PHLDB2: variants seen among roughly 807,000 people sequenced by gnomAD.
PHLDB2 encodes pleckstrin homology like domain family B member 2.
Under a neutral mutation model 123.6 loss-of-function variants are expected in PHLDB2, and 71 were observed. That is an observed-to-expected ratio of 0.57 (90% CI 0.47 to 0.70). The LOEUF (loss-of-function observed/expected upper bound fraction) is 0.70, where lower values mean the gene tolerates loss of function less well. PHLDB2 is among the 30% of genes least tolerant of loss of function. The probability of loss-of-function intolerance (pLI) is 0.00; values close to 1 mark genes in which losing one functional copy is unlikely to be tolerated. For missense variants in PHLDB2, 1,446 were observed against 1,519.5 expected, an observed-to-expected ratio of 0.95 and a Z score of 0.80; for synonymous variants, 547 against 541.6, an observed-to-expected ratio of 1.01 and a Z score of -0.14.
upstream of PHLDB2, among the ~76,000 whole-genome samples, chr3:111,858,384 T>A (rs1271496477): frequency 1.3e-5 from 2 of 152,142 alleles, no homozygotes; most frequent in African/African-American, 4.8e-5. Context: ...GAAGGGTTGA[T>A]GGGTGCTGCA....
chr3:111,828,095 A>T (rs1333309956), intron 1 of PHLDB2, among the ~76,000 whole-genome samples: 4 of 152,192 alleles, frequency 2.6e-5, no homozygotes, highest in Non-Finnish European at 2.9e-5. Flanking sequence ...ACCACAAAGG[A>T]GCTCAGCCAC....
intron 1 of PHLDB2, among the ~76,000 whole-genome samples, chr3:111,820,305 G>A (rs2062309430): frequency 6.6e-6 from 1 of 152,026 alleles, no homozygotes; most frequent in Non-Finnish European, 1.5e-5. Flanking sequence ...AAGTTAAAAT[G>A]GTTAAAGAAA....
intron 1 of PHLDB2, chr3:111,732,754 C>A: frequency 7.0e-7 from 1 of 1,433,254 alleles, no homozygotes; most frequent in Non-Finnish European, 9.5e-7. Flanking sequence ...ACAAAATGAG[C>A]AGCATATACA....
chr3:111,876,323 C>T lies in PHLDB2; in HGVS notation c.-14-7741C>T, dbSNP rs116570360. Among the ~76,000 whole-genome samples, 278 of 152,206 alleles carry T rather than the reference C, an allele frequency of 1.8e-3. 3 individuals carry two copies. The highest frequency in any genetic ancestry group is 6.3e-3 in the African/African-American group (263 of 41,526). On this transcript the variant is annotated intron_variant, in intron 1 of 17. Coordinates refer to ENST00000431670, the MANE Select transcript of PHLDB2 (RefSeq NM_001134438.2). ...GGTGTATGTACAGTTGACTCTAGAGCAACTTGGCGGTTAAGAACACTGACA... is the reference window on the plus strand; with the variant it reads ...GGTGTATGTACAGTTGACTCTAGAGTAACTTGGCGGTTAAGAACACTGACA...
At chr3:111,862,999 G>A (rs1423856999) in intron 1 of PHLDB2, among the ~76,000 whole-genome samples, 1 of 152,086 alleles carries the variant, frequency 6.6e-6, no homozygotes, top group Non-Finnish European at 1.5e-5. Context: ...TCAGGCAAAT[G>A]GGAACAAAAA....
chr3:111,752,370 T>C (rs13079085), intron 1 of PHLDB2, among the ~76,000 whole-genome samples: 75,827 of 151,828 alleles, frequency 0.5, 19,527 homozygotes, highest in African/African-American at 0.62. Flanking sequence ...ATTTGTGAAG[T>C]CCCTTAATAA....
chr3:111,838,247 C>A (rs1443053206), intron 1 of PHLDB2, among the ~76,000 whole-genome samples: 1 of 152,088 alleles, frequency 6.6e-6, no homozygotes, highest in Non-Finnish European at 1.5e-5. Context: ...GCAGTCTTCC[C>A]GCCTTTATCT....
At chr3:111,853,162 A>C (rs1259242525) in intron 2 of PHLDB2, among the ~76,000 whole-genome samples, 3 of 152,226 alleles carry the variant, frequency 2.0e-5, no homozygotes, top group Non-Finnish European at 4.4e-5. Context: ...TATTGGAATA[A>C]AAATACATCA....
chr3:111,803,475 C>A (rs1037818755), intron 1 of PHLDB2, among the ~76,000 whole-genome samples: 1 of 151,934 alleles, frequency 6.6e-6, no homozygotes, highest in Non-Finnish European at 1.5e-5. Flanking sequence ...GACAGCCCCA[C>A]CCCCACCACT....
chr3:111,783,943 GA>G (rs2060582306), intron 1 of PHLDB2, among the ~76,000 whole-genome samples: 1 of 152,226 alleles, frequency 6.6e-6, no homozygotes, highest in African/African-American at 2.4e-5. Flanking sequence ...ACAGTTGGGT[GA>G]ATTCAGAGTC....
At chr3:111,925,547 G>T (rs1264139396) in intron 5 of PHLDB2, among the ~76,000 whole-genome samples, 3 of 152,190 alleles carry the variant, frequency 2.0e-5, no homozygotes, top group African/African-American at 7.2e-5. Context: ...ATATTTACTT[G>T]GTGAAGCAGT....
At chr3:111,877,593 G>A (rs1441158765) in intron 1 of PHLDB2, among the ~76,000 whole-genome samples, 1 of 152,094 alleles carries the variant, frequency 6.6e-6, no homozygotes, top group East Asian at 1.9e-4. Context: ...TGTCAATTTT[G>A]ACTTTTGTTG....
Position 111,870,570 on chromosome 3 carries a change from A to C in PHLDB2, c.-15+10994A>C, listed in dbSNP as rs151054965. Among the ~76,000 whole-genome samples, 202 of 152,252 alleles carry C rather than the reference A, an allele frequency of 1.3e-3. 1 individual carries two copies. The highest frequency in any genetic ancestry group is 5.7e-3 in the Admixed American group (87 of 15,292). Reference sequence around the variant, plus strand: ...TTGATGTTGGGATTAGTGGAAAAAGAGAGAAGTTTTTGTGTCCATTGTTGT... The same window carrying C: ...TTGATGTTGGGATTAGTGGAAAAAGCGAGAAGTTTTTGTGTCCATTGTTGT... On this transcript the variant is annotated intron_variant, in intron 1 of 17. Coordinates refer to ENST00000431670, the MANE Select transcript of PHLDB2 (RefSeq NM_001134438.2).
intron 1 of PHLDB2, among the ~76,000 whole-genome samples, chr3:111,824,494 G>A (rs1181986642): frequency 6.6e-6 from 1 of 152,172 alleles, no homozygotes; most frequent in African/African-American, 2.4e-5. Context: ...GTTCTGGAGT[G>A]AACGTGTGAC....
At position 111,962,230 on chromosome 3, in the gene PHLDB2, C is replaced by G. The variant is rs756029875; in HGVS notation, c.2995C>G (p.Gln999Glu). 31 of 1,580,482 alleles carry G rather than the reference C, an allele frequency of 2.0e-5. No individual in the cohort carries two copies. The highest frequency in any genetic ancestry group is 2.6e-5 in the Non-Finnish European group (30 of 1,170,896). The change falls in exon 13 of 18, where the codon CAG (glutamine) becomes GAG (glutamate). Residue 999 changes from glutamine (Q) to glutamate (E), a missense_variant. Physicochemically the swap from Gln to Glu is conservative, Grantham distance 29. Transcript: ENST00000431670. The part of the protein sequence containing the change: ...FHYPDHSYKD[Q>E]AFDTLSLDSS... ...TTATCCAGATCACAGCTACAAGGAC[C>G]AGGCCTTTGATACTCTGAGCCTCGA...
At chr3:111,901,819 T>C (rs2067221956) in intron 2 of PHLDB2, among the ~76,000 whole-genome samples, 1 of 152,202 alleles carries the variant, frequency 6.6e-6, no homozygotes, top group Non-Finnish European at 1.5e-5. Context: ...TGGAACACTG[T>C]CTATGTAAGA....
intron 1 of PHLDB2, among the ~76,000 whole-genome samples, chr3:111,805,277 G>A (rs2061529417): frequency 2.0e-5 from 3 of 152,044 alleles, no homozygotes; most frequent in Admixed American, 2.0e-4. Context: ...AAAAATTACT[G>A]GGGCCGGGCG....
chr3:111,836,025 T>A (rs1444201896), intron 1 of PHLDB2, among the ~76,000 whole-genome samples: 2 of 152,206 alleles, frequency 1.3e-5, no homozygotes, highest in Non-Finnish European at 2.9e-5. Context: ...CATGAGCATG[T>A]AAGCCAGTGG....
chr3:111,899,027 T>A (rs1406595527), intron 2 of PHLDB2, among the ~76,000 whole-genome samples: 2 of 152,228 alleles, frequency 1.3e-5, no homozygotes, highest in Non-Finnish European at 2.9e-5. Context: ...GTGAATTCTT[T>A]CCAGGTGGTT....
Sources: allele counts gnomAD v4.1 joint callset (sites outside exome capture counted in the v4.1 genomes callset), GRCh38; gene constraint gnomAD v4.1.1; transcripts MANE v1.5; gene names NCBI Gene and HGNC (gene_info 2026-07-23, HGNC 2026-07-21).